The following RIMOC1 variants were observed in gnomAD, a reference collection of about 807,000 sequenced individuals.
The protein encoded by RIMOC1 is RAB7A interacting MON1-CCZ1 complex subunit 1, also known as RAB7A-interacting MON1-CCZ1 complex subunit 1.
chr5:41,910,357 C>G, the RIMOC1 span, among the ~76,000 whole-genome samples: 3 of 151,900 alleles, frequency 2.0e-5, no homozygotes, highest in East Asian at 5.8e-4. Flanking sequence ...GTTCTGCCTT[C>G]CATTCTAGAA....
the RIMOC1 span, chr5:41,909,652 A>G: frequency 1.3e-6 from 1 of 790,566 alleles, no homozygotes; most frequent in Non-Finnish European, 1.9e-6. Context: ...TAAATGTGTA[A>G]TAAAGCACCT....
chr5:41,910,998 A>G, the RIMOC1 span: 1 of 1,582,272 alleles, frequency 6.3e-7, no homozygotes, highest in East Asian at 2.3e-5. Flanking sequence ...TTCAACTTTT[A>G]TAGACATCCA....
At chr5:41,907,083 A>T in the RIMOC1 span, among the ~76,000 whole-genome samples, 19 of 152,250 alleles carry the variant, frequency 1.2e-4, no homozygotes, top group South Asian at 3.7e-3. Flanking sequence ...AAATCAGGAG[A>T]TGGTGAAGGC....
At chr5:41,918,473 A>G in the RIMOC1 span, 38 of 985,280 alleles carry the variant, frequency 3.9e-5, no homozygotes, top group African/African-American at 6.6e-4. Flanking sequence ...ATGGGATACT[A>G]TATGAACTAA....
At chr5:41,905,131 A>C in the RIMOC1 span, among the ~76,000 whole-genome samples, 6 of 152,190 alleles carry the variant, frequency 3.9e-5, no homozygotes, top group African/African-American at 1.4e-4. Flanking sequence ...GTTCTACATT[A>C]TTCCTTTTTG....
At chr5:41,914,456 CAAACAAAACAAAACA>C in the RIMOC1 span, among the ~76,000 whole-genome samples, 4,051 of 146,582 alleles carry the variant, frequency 0.028, 195 homozygotes, top group African/African-American at 0.095. Context: ...GACTCTGTCT[CAAACAAAACAAAACA>C]AAACAAAACA....
At chr5:41,914,120 T>C in the RIMOC1 span, among the ~76,000 whole-genome samples, 1 of 152,184 alleles carries the variant, frequency 6.6e-6, no homozygotes, top group East Asian at 1.9e-4. Flanking sequence ...TTTCCAGTTA[T>C]AAAGTAAGAC....
At chr5:41,917,488 G>T in the RIMOC1 span, 1 of 1,267,002 alleles carries the variant, frequency 7.9e-7, no homozygotes, top group Non-Finnish European at 9.9e-7. Context: ...CCTATGAAGG[G>T]ATGATTCTTT....
At chr5:41,913,676 T>A in the RIMOC1 span, among the ~76,000 whole-genome samples, 1 of 152,216 alleles carries the variant, frequency 6.6e-6, no homozygotes, top group African/African-American at 2.4e-5. Flanking sequence ...TTAAATATGT[T>A]TTAATTCTTC....
the RIMOC1 span, chr5:41,920,930 C>T: frequency 6.6e-6 from 1 of 152,230 alleles, no homozygotes; most frequent in Non-Finnish European, 1.5e-5. Flanking sequence ...TCATGGTTAC[C>T]AAAACTCTGT....
At chr5:41,916,339 T>A in the RIMOC1 span, 5 of 813,034 alleles carry the variant, frequency 6.1e-6, no homozygotes, top group South Asian at 2.8e-4. Context: ...TAATATACTT[T>A]ATGCACCATA....
the RIMOC1 span, chr5:41,917,148 C>G: frequency 6.2e-7 from 1 of 1,613,704 alleles, no homozygotes. Flanking sequence ...GCGGGCTGCA[C>G]TACATACAAG....
chr5:41,906,240 C>T, the RIMOC1 span, among the ~76,000 whole-genome samples: 2 of 152,154 alleles, frequency 1.3e-5, no homozygotes, highest in South Asian at 4.1e-4. Flanking sequence ...AATCTGTTTA[C>T]TCTATGGAAG....
the RIMOC1 span, chr5:41,907,656 T>C: frequency 1.3e-6 from 1 of 754,722 alleles, no homozygotes; most frequent in East Asian, 2.7e-5. Flanking sequence ...TGTCATTTCA[T>C]CTTCATACAT....
the RIMOC1 span, chr5:41,917,466 T>C: frequency 5.2e-6 from 7 of 1,345,522 alleles, no homozygotes; most frequent in Non-Finnish European, 6.7e-6. Flanking sequence ...TTTTTCATTA[T>C]ATATTAGTAA....
chr5:41,907,273 C>T, the RIMOC1 span, among the ~76,000 whole-genome samples: 1 of 152,084 alleles, frequency 6.6e-6, no homozygotes, highest in African/African-American at 2.4e-5. Flanking sequence ...ATAATGCTGG[C>T]ATTTTGTAAG....
chr5:41,910,123 A>C, the RIMOC1 span, among the ~76,000 whole-genome samples: 1 of 152,062 alleles, frequency 6.6e-6, no homozygotes. Context: ...GCTGTGCCTA[A>C]TCATTTTTTT....
chr5:41,916,519 C>T, the RIMOC1 span: 1 of 914,050 alleles, frequency 1.1e-6, no homozygotes. Context: ...CATGATTATG[C>T]ATGATAATTT....
At chr5:41,916,402 G>A in the RIMOC1 span, 1 of 929,086 alleles carries the variant, frequency 1.1e-6, no homozygotes, top group African/African-American at 1.8e-5. Flanking sequence ...AGAAGAAAGA[G>A]TTCAACTTTT....
Sources: allele counts gnomAD v4.1 joint callset (sites outside exome capture counted in the v4.1 genomes callset), GRCh38; gene constraint gnomAD v4.1.1; transcripts MANE v1.5; gene names NCBI Gene and HGNC (gene_info 2026-07-23, HGNC 2026-07-21).